Variants in NME7 observed in about 807,000 individuals in gnomAD.
The protein encoded by NME7 is nucleoside diphosphate kinase 7.
In NME7, 41 loss-of-function variants were observed where a neutral mutation model predicts 49.1. The observed-to-expected ratio is 0.83, with a 90% CI of 0.65 to 1.08. The LOEUF is 1.08. Ranked by LOEUF, NME7 falls within the 50% of genes least tolerant of loss-of-function variation. The pLI is 0.00. For missense variants in NME7, 423 were observed against 463.4 expected, an observed-to-expected ratio of 0.91 and a Z score of 0.80; for synonymous variants, 139 against 150.6, an observed-to-expected ratio of 0.92 and a Z score of 0.56.
intron 11 of NME7, among the ~76,000 whole-genome samples, chr1:169,151,810 T>A (rs1210948797): frequency 7.2e-6 from 1 of 138,594 alleles, no homozygotes; most frequent in African/African-American, 2.6e-5. Context: ...CCTCCCTCTG[T>A]CTATGTCCTC....
chr1:169,353,220 G>C (rs899646133), intron 1 of NME7, among the ~76,000 whole-genome samples: 5 of 151,952 alleles, frequency 3.3e-5, no homozygotes, highest in African/African-American at 1.2e-4. Context: ...GAACAGAATA[G>C]AGAACCCTGA....
chr1:169,167,546 A>G (rs546107495), intron 11 of NME7, among the ~76,000 whole-genome samples: 1 of 152,284 alleles, frequency 6.6e-6, no homozygotes, highest in African/African-American at 2.4e-5. Context: ...ATTTATTTAC[A>G]GTTTCCTTCT....
At chr1:169,165,646 G>A (rs1460631021) in intron 11 of NME7, among the ~76,000 whole-genome samples, 1 of 152,176 alleles carries the variant, frequency 6.6e-6, no homozygotes, top group African/African-American at 2.4e-5. Context: ...GGAACAAAGT[G>A]CTCACTGATC....
chr1:169,189,424 A>G (rs926251955), intron 10 of NME7, among the ~76,000 whole-genome samples: 5 of 152,160 alleles, frequency 3.3e-5, no homozygotes, highest in African/African-American at 1.2e-4. Context: ...AACTGTATCA[A>G]TGCAAGTCCT....
At chr1:169,210,729 G>C (rs1660787461) in intron 10 of NME7, among the ~76,000 whole-genome samples, 1 of 151,894 alleles carries the variant, frequency 6.6e-6, no homozygotes, top group Non-Finnish European at 1.5e-5. Flanking sequence ...ATAAAATGGG[G>C]AAAAAAGAAA....
chr1:169,185,651 T>C (rs1427653228), intron 10 of NME7, among the ~76,000 whole-genome samples: 1 of 152,224 alleles, frequency 6.6e-6, no homozygotes, highest in Non-Finnish European at 1.5e-5. Context: ...ACCTCTGTGC[T>C]ACAAAGGGTA....
intron 7 of NME7, among the ~76,000 whole-genome samples, chr1:169,275,260 T>C (rs1032546340): frequency 2.3e-5 from 3 of 130,310 alleles, no homozygotes; most frequent in African/African-American, 7.7e-5. Flanking sequence ...ATGATTTGGC[T>C]CTCTGTTTGT....
intron 7 of NME7, among the ~76,000 whole-genome samples, chr1:169,278,270 C>A (rs1274263713): frequency 2.0e-5 from 3 of 150,680 alleles, no homozygotes; most frequent in Non-Finnish European, 4.4e-5. Flanking sequence ...TGGATAATAT[C>A]CTGCAGAGTG....
At position 169,267,278 on chromosome 1, in the gene NME7, C is replaced by A. The variant is rs1649345504; in HGVS notation, c.754+20025G>T. On this transcript the variant is annotated intron_variant, in intron 7 of 11. Coordinates refer to ENST00000367811, the MANE Select transcript of NME7 (RefSeq NM_013330.5). ...TCAAAGAAATCAGAGATAACACAAA[C>A]AAATGTAAGAACATTCCATGCTCTT... Among the ~76,000 whole-genome samples, 5 of 133,074 alleles carry A rather than the reference C, an allele frequency of 3.8e-5. 2 individuals carry two copies. The highest frequency in any genetic ancestry group is 8.8e-5 in the Non-Finnish European group (5 of 56,740). The allele number at this position is 133,074 out of a possible 152,430, so 87.3% of individuals were successfully genotyped here. A position where few individuals can be genotyped will look rare whatever the true frequency, so the allele number is the denominator to read the frequency against.
At chr1:169,311,565 A>C (rs889051972) in intron 3 of NME7, among the ~76,000 whole-genome samples, 7 of 152,174 alleles carry the variant, frequency 4.6e-5, no homozygotes, top group Non-Finnish European at 1.0e-4. Context: ...CTTTATTTTA[A>C]AGCAGATGAG....
chr1:169,321,015 C>A (rs2101934277), intron 3 of NME7, among the ~76,000 whole-genome samples: 1 of 152,272 alleles, frequency 6.6e-6, no homozygotes, highest in Non-Finnish European at 1.5e-5. Context: ...ATAGATTTAA[C>A]AACATTCACT....
chr1:169,214,235 T>C (rs1003339556), intron 10 of NME7, among the ~76,000 whole-genome samples: 2 of 152,260 alleles, frequency 1.3e-5, no homozygotes, highest in South Asian at 2.1e-4. Context: ...ATTAGATGAG[T>C]AGACATCCAA....
intron 11 of NME7, among the ~76,000 whole-genome samples, chr1:169,142,845 G>A (rs530162172): frequency 3.0e-4 from 46 of 152,258 alleles, no homozygotes; most frequent in East Asian, 9.6e-4. Context: ...TCCTGGAGCC[G>A]GCACAGGAAG....
intron 7 of NME7, among the ~76,000 whole-genome samples, chr1:169,238,107 T>G (rs942201672): frequency 6.6e-6 from 1 of 151,902 alleles, no homozygotes; most frequent in Admixed American, 6.6e-5. Flanking sequence ...ACTGAAGAGA[T>G]AGGAAGAAGC....
chr1:169,237,787 C>G, intron 7 of NME7, 100 bp from the exon 8 acceptor site: 1 of 777,236 alleles, frequency 1.3e-6, no homozygotes, highest in Admixed American at 2.6e-5. Context: ...TTTGTTTATA[C>G]TCTATATTTA....
chr1:169,163,503 G>A (rs1571255652), intron 11 of NME7, among the ~76,000 whole-genome samples: 1 of 152,110 alleles, frequency 6.6e-6, no homozygotes, highest in East Asian at 1.9e-4. Flanking sequence ...CAGATTGAAA[G>A]AGACTAAGGA....
At chr1:169,137,046 A>T (rs1360699544) in intron 11 of NME7, among the ~76,000 whole-genome samples, 1 of 152,272 alleles carries the variant, frequency 6.6e-6, no homozygotes, top group African/African-American at 2.4e-5. Context: ...GTGTCACTAC[A>T]CTAGATTTTT....
chr1:169,187,298 C>T (rs955564025), intron 10 of NME7, among the ~76,000 whole-genome samples: 7 of 151,972 alleles, frequency 4.6e-5, no homozygotes, highest in Admixed American at 3.3e-4. Context: ...CCTGAATATC[C>T]TTGTTAATTT....
At chr1:169,234,284 G>A (rs759436621) in intron 9 of NME7, among the ~76,000 whole-genome samples, 11 of 152,118 alleles carry the variant, frequency 7.2e-5, no homozygotes, top group Non-Finnish European at 1.3e-4. Flanking sequence ...CAGAGCATAA[G>A]CTCCATAAAT....
Sources: allele counts gnomAD v4.1 joint callset (sites outside exome capture counted in the v4.1 genomes callset), GRCh38; gene constraint gnomAD v4.1.1; transcripts MANE v1.5; gene names NCBI Gene and HGNC (gene_info 2026-07-23, HGNC 2026-07-21).